Variants in TIMD4 observed in about 807,000 individuals in gnomAD.
TIMD4 encodes T cell immunoglobulin and mucin domain containing 4.
Under a neutral mutation model 41.2 loss-of-function variants are expected in TIMD4, and 31 were observed. The ratio of observed to expected loss-of-function variants is 0.75; its 90% confidence interval spans 0.57 to 1.01. TIMD4 has a LOEUF of 1.01. Among genes scored for constraint, TIMD4 ranks in the 50% least tolerant of loss-of-function variants. The pLI, the probability that TIMD4 is intolerant of heterozygous loss-of-function variation, is 0.00. For synonymous variants in TIMD4, 204 were observed against 177.1 expected, an observed-to-expected ratio of 1.15 and a Z score of -1.21; for missense variants, 479 against 472.5, an observed-to-expected ratio of 1.01 and a Z score of -0.13.
chr5:156,962,068 T>C (rs1561557518), intron 1 of TIMD4, among the ~76,000 whole-genome samples: 1 of 152,012 alleles, frequency 6.6e-6, no homozygotes, highest in South Asian at 2.1e-4. Flanking sequence ...CACTGGAGTC[T>C]ACAAAGGATA....
intron 5 of TIMD4, among the ~76,000 whole-genome samples, chr5:156,937,734 T>G (rs566884430): frequency 6.6e-6 from 1 of 152,224 alleles, no homozygotes. Flanking sequence ...TCAATTCCAA[T>G]GTTATTAATA....
intron 6 of TIMD4, among the ~76,000 whole-genome samples, chr5:156,926,057 C>T (rs937599419): frequency 6.6e-6 from 1 of 152,218 alleles, no homozygotes; most frequent in Non-Finnish European, 1.5e-5. Context: ...GCATGTGCCA[C>T]CACACCTGGC....
intron 2 of TIMD4, among the ~76,000 whole-genome samples, chr5:156,953,108 G>A (rs960219739): frequency 3.3e-5 from 5 of 152,148 alleles, no homozygotes; most frequent in African/African-American, 1.2e-4. Flanking sequence ...ACTTCGAAAT[G>A]ACCTCATAAT....
At chr5:156,927,466 G>A (rs4704726) in intron 5 of TIMD4, among the ~76,000 whole-genome samples, 51,781 of 152,046 alleles carry the variant, frequency 0.34, 9,567 homozygotes, top group East Asian at 0.63. Flanking sequence ...GTGAGCAAGA[G>A]CCAATCAGGG....
At chr5:156,957,339 C>A (rs571039958) in intron 1 of TIMD4, among the ~76,000 whole-genome samples, 40 of 151,800 alleles carry the variant, frequency 2.6e-4, no homozygotes, top group Non-Finnish European at 5.0e-4. Flanking sequence ...CATGGTAAAA[C>A]CCCATATCTA....
intron 1 of TIMD4, 42 bp downstream of exon 1, chr5:156,963,099 G>T (rs758307367): frequency 6.2e-7 from 1 of 1,600,950 alleles, no homozygotes; most frequent in South Asian, 1.1e-5. Context: ...ACAATAGCAA[G>T]TCCTCTGGAA....
At chr5:156,929,646 T>C (rs1050890816) in intron 5 of TIMD4, among the ~76,000 whole-genome samples, 2 of 152,218 alleles carry the variant, frequency 1.3e-5, no homozygotes, top group Non-Finnish European at 2.9e-5. Flanking sequence ...GGAAGGGTTC[T>C]CCTTTAGAGC....
rs1417654063 is a variant in TIMD4, at chr5:156,954,706, T to C, written c.109A>G (p.Thr37Ala). 2.5e-6 allele frequency: 4 copies of C among 1,613,960 alleles called. No homozygotes were observed. Among genetic ancestry groups the C allele is most frequent in the Admixed American group, 3.3e-5 (2 of 60,016 alleles). ...VVTEVLGHRV[T>A]LPCLYSSWSH... is the part of the protein sequence containing the mutation. ...CAGGATGAGTACAGACAGGGCAAAG[T>C]CACCCGGTGACCCAAAACCTCCGTC... Residue 37 changes from threonine (T) to alanine (A), a missense_variant, in exon 2 of 9, where the codon ACT becomes GCT. Transcript: ENST00000274532.
intron 1 of TIMD4, 126 bp downstream of exon 1, chr5:156,963,015 A>T (rs1448037316): frequency 1.1e-6 from 1 of 890,730 alleles, no homozygotes; most frequent in Non-Finnish European, 1.8e-6. Context: ...CCTGGTAGGG[A>T]GAGGGGAGGG....
chr5:156,958,089 T>C (rs1760008002), intron 1 of TIMD4, among the ~76,000 whole-genome samples: 1 of 151,760 alleles, frequency 6.6e-6, no homozygotes, highest in Non-Finnish European at 1.5e-5. Context: ...CTGGCCAACA[T>C]AGTGAAAGCC....
intron 1 of TIMD4, among the ~76,000 whole-genome samples, chr5:156,962,418 A>G (rs925402318): frequency 2.0e-5 from 3 of 148,370 alleles, no homozygotes; most frequent in Non-Finnish European, 4.5e-5. Flanking sequence ...TAAAAAAAAA[A>G]TGGACTTTTG....
chr5:156,961,392 A>C (rs981358601), intron 1 of TIMD4, among the ~76,000 whole-genome samples: 11 of 152,254 alleles, frequency 7.2e-5, no homozygotes, highest in African/African-American at 2.7e-4. Context: ...ATATATCCCA[A>C]AGAAAGGAAA....
At chr5:156,923,773 T>C (rs1021557827) in intron 6 of TIMD4, among the ~76,000 whole-genome samples, 2 of 151,824 alleles carry the variant, frequency 1.3e-5, no homozygotes, top group African/African-American at 4.8e-5. Flanking sequence ...CTTGAACTCC[T>C]GGGCTCAAGC....
intron 1 of TIMD4, among the ~76,000 whole-genome samples, chr5:156,958,247 C>T (rs1486909128): frequency 2.0e-5 from 3 of 149,514 alleles, no homozygotes; most frequent in East Asian, 2.0e-4. Flanking sequence ...ACTCCAGCCT[C>T]GGCAGGGTGA....
At chr5:156,954,893 T>A in intron 1 of TIMD4, 137 bp from the exon 2 acceptor site, 1 of 802,828 alleles carries the variant, frequency 1.2e-6, no homozygotes, top group Non-Finnish European at 1.9e-6. Context: ...CCTTTTTTTT[T>A]TTGATACAGG....
rs147485656 is a variant in TIMD4, at chr5:156,926,266, T to C, written c.891A>G (p.Gly297=). 6.8e-6 allele frequency: 11 copies of C among 1,613,232 alleles called. No homozygotes were observed. The African/African-American group carries it at 1.3e-4, about 20-fold the overall frequency. Residue 297 remains glycine (G), a synonymous_variant, in exon 6 of 9, where the codon GGA becomes GGG. Transcript: ENST00000274532. ...VPEQNKTTKT[G]QMDGIPMSMK... Reference sequence around the variant, plus strand: ...AAATACTTCACAGATTTTTTACCTGTCCTGTTTTTGTTGTTTTGTTCTGCT... The same window carrying C: ...AAATACTTCACAGATTTTTTACCTGCCCTGTTTTTGTTGTTTTGTTCTGCT...
chr5:156,951,939 T>C lies in TIMD4; in HGVS notation c.401-149A>G, dbSNP rs139901895. ...TAATGCCCAATAAAATTGTGTTTCCTGCCCCCACCCTGACATGTTCCTTCC... is the reference window on the plus strand; with the variant it reads ...TAATGCCCAATAAAATTGTGTTTCCCGCCCCCACCCTGACATGTTCCTTCC... On this transcript the variant is annotated intron_variant, in intron 2 of 8. Transcript: ENST00000274532. 5.1e-4 allele frequency: 539 copies of C among 1,054,536 alleles called. No homozygotes were observed. The African/African-American group carries it at 7.7e-3, about 15-fold the overall frequency. 65.3% of individuals were successfully genotyped at this position (1,054,536 alleles called of 1,614,324 possible).
At chr5:156,932,349 C>T (rs1208413458) in intron 5 of TIMD4, among the ~76,000 whole-genome samples, 2 of 152,136 alleles carry the variant, frequency 1.3e-5, no homozygotes, top group African/African-American at 2.4e-5. Flanking sequence ...AGCGTCAAAG[C>T]GACCTTCTAT....
In TIMD4 at chr5:156,949,746, A is replaced by T. The variant is rs1759818491; in HGVS notation, c.680-15T>A. ...AGTTTCTGATTCTGGAAGAGAAAAA[A>T]GTTGGATAAAAGGCAGCTGAAAAGT... is the stretch of plus-strand genomic sequence containing the variant. On this transcript the variant is annotated splice_polypyrimidine_tract_variant and intron_variant, in intron 3 of 8. Coordinates refer to ENST00000274532, the MANE Select transcript of TIMD4 (RefSeq NM_138379.3). 5 of 1,585,958 alleles carry T rather than the reference A, an allele frequency of 3.2e-6. No homozygotes were observed. Among genetic ancestry groups the T allele is most frequent in the East Asian group, 2.2e-5 (1 of 44,686 alleles).
Sources: allele counts gnomAD v4.1 joint callset (sites outside exome capture counted in the v4.1 genomes callset), GRCh38; gene constraint gnomAD v4.1.1; transcripts MANE v1.5; gene names NCBI Gene and HGNC (gene_info 2026-07-23, HGNC 2026-07-21).